The following C9orf85 variants were observed in gnomAD, a reference collection of about 807,000 sequenced individuals.
The protein encoded by C9orf85 is chromosome 9 open reading frame 85.
A neutral mutation model predicts 14.9 loss-of-function variants in C9orf85; 16 were observed. The observed-to-expected ratio is 1.08, with a 90% CI of 0.73 to 1.63. The LOEUF (loss-of-function observed/expected upper bound fraction) is 1.63, where lower values mean the gene tolerates loss of function less well. Among genes scored for constraint, C9orf85 ranks in the 40% most tolerant of loss-of-function variants. The pLI is 0.00. For synonymous variants in C9orf85, 45 were observed against 56.8 expected (o/e 0.79, Z 0.93); for missense variants, 172 against 186.1 (o/e 0.92, Z 0.44).
intron 2 of C9orf85, among the ~76,000 whole-genome samples, chr9:71,964,105 G>A (rs894281430): frequency 2.0e-5 from 3 of 152,006 alleles, no homozygotes; most frequent in Admixed American, 6.6e-5. Flanking sequence ...TGCACCAATC[G>A]ACACTGTATC....
intron 1 of C9orf85, among the ~76,000 whole-genome samples, chr9:71,931,955 G>C (rs534879534): frequency 5.9e-5 from 9 of 152,262 alleles, no homozygotes; most frequent in African/African-American, 2.2e-4. Context: ...ACTTTGGTGT[G>C]CTTAAGGATC....
intron 1 of C9orf85, among the ~76,000 whole-genome samples, chr9:71,915,007 G>C (rs183676442): frequency 6.6e-6 from 1 of 152,210 alleles, no homozygotes; most frequent in East Asian, 1.9e-4. Context: ...AACGAAAAGA[G>C]CACTGGACTA....
intron 1 of C9orf85, 60 bp downstream of exon 1, chr9:71,911,896 G>A (rs1827505325): frequency 1.0e-5 from 15 of 1,489,450 alleles, no homozygotes; most frequent in Non-Finnish European, 1.4e-5. Context: ...ACTGGAGAGG[G>A]GAGAGAGGAA....
At chr9:71,953,876 A>T (rs1296582540) in intron 2 of C9orf85, among the ~76,000 whole-genome samples, 1 of 152,078 alleles carries the variant, frequency 6.6e-6, no homozygotes, top group Non-Finnish European at 1.5e-5. Flanking sequence ...AGGCAGGAGG[A>T]TCACTTGATT....
intron 2 of C9orf85, among the ~76,000 whole-genome samples, chr9:71,967,983 ACAT>A (rs1822744315): frequency 6.6e-6 from 1 of 152,050 alleles, no homozygotes; most frequent in Non-Finnish European, 1.5e-5. Context: ...ACATCTAATA[ACAT>A]CATCATATGG....
downstream of C9orf85, chr9:71,984,556 G>A (rs1322191487): frequency 6.6e-6 from 1 of 152,266 alleles, no homozygotes; most frequent in South Asian, 2.1e-4. Context: ...CACTAAGGCA[G>A]GCCAAAATGG....
intron 2 of C9orf85, among the ~76,000 whole-genome samples, chr9:71,947,694 A>G (rs1311449989): frequency 1.3e-5 from 2 of 150,344 alleles, no homozygotes; most frequent in African/African-American, 4.9e-5. Flanking sequence ...CCCAGCCTGG[A>G]GTGCACTGAT....
chr9:71,970,766 T>A (rs1326395005), intron 2 of C9orf85, among the ~76,000 whole-genome samples: 1 of 152,062 alleles, frequency 6.6e-6, no homozygotes, highest in East Asian at 1.9e-4. Flanking sequence ...AATAGAGAGT[T>A]CATTGAGTCT....
chr9:71,980,024 T>C (rs1299996830), intron 3 of C9orf85, among the ~76,000 whole-genome samples: 3 of 150,560 alleles, frequency 2.0e-5, no homozygotes, highest in East Asian at 1.9e-4. Flanking sequence ...TTCTTTTTTT[T>C]TTTTTTTGAG....
chr9:71,971,378 C>A, intron 2 of C9orf85, 127 bp from the exon 3 acceptor site: 1 of 487,844 alleles, frequency 2.0e-6, no homozygotes, highest in South Asian at 3.9e-5. Context: ...ATAAGATAAA[C>A]ACCTGAAATT....
chr9:71,932,748 G>T (rs1828100228), intron 1 of C9orf85, among the ~76,000 whole-genome samples: 1 of 152,114 alleles, frequency 6.6e-6, no homozygotes, highest in Non-Finnish European at 1.5e-5. Flanking sequence ...GGAAAATATG[G>T]CTCATTCAAA....
intron 3 of C9orf85, among the ~76,000 whole-genome samples, chr9:71,978,611 G>C (rs1316601285): frequency 6.6e-6 from 1 of 152,140 alleles, no homozygotes; most frequent in East Asian, 1.9e-4. Context: ...CAGAATAGTG[G>C]TTATCTTTGG....
At chr9:71,947,891 C>T (rs1195007996) in intron 2 of C9orf85, among the ~76,000 whole-genome samples, 7 of 152,174 alleles carry the variant, frequency 4.6e-5, no homozygotes, top group Admixed American at 2.0e-4. Context: ...GGTGATCTGC[C>T]CGCCTAGGCC....
intron 1 of C9orf85, chr9:71,918,369 G>A (rs1827708302): frequency 1.8e-6 from 2 of 1,090,624 alleles, no homozygotes; most frequent in Admixed American, 4.8e-5. Flanking sequence ...GAATATCTCA[G>A]CTAACCACAA....
At chr9:71,921,590 A>G (rs1827808479) in intron 1 of C9orf85, among the ~76,000 whole-genome samples, 2 of 152,202 alleles carry the variant, frequency 1.3e-5, no homozygotes, top group East Asian at 3.8e-4. Flanking sequence ...CCTAAAATGT[A>G]CAAAACCAAA....
At chr9:71,929,527 A>C (rs1388580081) in intron 1 of C9orf85, among the ~76,000 whole-genome samples, 1 of 152,134 alleles carries the variant, frequency 6.6e-6, no homozygotes. Flanking sequence ...CAGTATGTTG[A>C]AAATCTGGGA....
At chr9:71,955,876 A>G (rs1822368612) in intron 2 of C9orf85, among the ~76,000 whole-genome samples, 1 of 152,168 alleles carries the variant, frequency 6.6e-6, no homozygotes, top group Non-Finnish European at 1.5e-5. Context: ...TCTCCATGCA[A>G]TCTGAATTTG....
chr9:71,925,821 T>A lies in C9orf85; in HGVS notation c.102+13985T>A, dbSNP rs1193968562. On this transcript the variant is annotated intron_variant, in intron 1 of 3. Coordinates refer to ENST00000334731, the MANE Select transcript of C9orf85 (RefSeq NM_182505.5). Reference sequence around the variant, plus strand: ...ATAAGTTCTACTTTTATTTTAAAAATTAAGATAACTAAAGATATGGAGAGG... The same window carrying A: ...ATAAGTTCTACTTTTATTTTAAAAAATAAGATAACTAAAGATATGGAGAGG... Among the ~76,000 whole-genome samples the A allele has an allele frequency of 2.0e-5, 3 of 152,174 alleles. No homozygotes were observed. The East Asian group carries it at 5.8e-4, about 29-fold the overall frequency.
intron 1 of C9orf85, among the ~76,000 whole-genome samples, chr9:71,920,888 A>ACCC (rs942293114): frequency 6.6e-6 from 1 of 151,982 alleles, no homozygotes; most frequent in Non-Finnish European, 1.5e-5. Context: ...AACTTAATGG[A>ACCC]CCCCCCCTTT....
Sources: gnomAD v4.1 joint callset for allele counts (sites outside exome capture counted in the v4.1 genomes callset) on GRCh38, gnomAD v4.1.1 for gene constraint, MANE v1.5 for transcripts, NCBI Gene and HGNC (gene_info 2026-07-23, HGNC 2026-07-21) for gene names.